STAMBP: variants seen among roughly 807,000 people sequenced by gnomAD.
The protein encoded by STAMBP is STAM-binding protein.
Under a neutral mutation model 50.7 loss-of-function variants are expected in STAMBP, and 31 were observed. That is an observed-to-expected ratio of 0.61 (90% CI 0.46 to 0.83). The LOEUF is 0.83. Among genes scored for constraint, STAMBP ranks in the 40% least tolerant of loss-of-function variants. The pLI, the probability that STAMBP is intolerant of heterozygous loss-of-function variation, is 0.00. For synonymous variants in STAMBP, 211 were observed against 192.4 expected (o/e 1.10, Z -0.80); for missense variants, 472 against 518.9 (o/e 0.91, Z 0.88).
At chr2:73,832,492 C>G (rs1250227191) in intron 2 of STAMBP, among the ~76,000 whole-genome samples, 2 of 151,946 alleles carry the variant, frequency 1.3e-5, no homozygotes, top group South Asian at 4.2e-4. Flanking sequence ...CCCACCCACT[C>G]CTCTTTTCCC....
downstream of STAMBP, among the ~76,000 whole-genome samples, chr2:73,870,993 C>T (rs1167374148): frequency 2.0e-5 from 3 of 152,102 alleles, no homozygotes; most frequent in Non-Finnish European, 4.4e-5. Context: ...TGGCCTTAAG[C>T]TCCTGGCCTC....
chr2:73,836,056 G>T (rs892390581), intron 2 of STAMBP, among the ~76,000 whole-genome samples: 2 of 151,900 alleles, frequency 1.3e-5, no homozygotes, highest in South Asian at 2.1e-4. Flanking sequence ...GCAGTGGTGC[G>T]CTGTTTTTCT....
rs774835989 is a variant in STAMBP at position 73,862,621 on chromosome 2, C to G, written c.*362C>G. The G allele has an allele frequency of 1.3e-5, 2 of 158,060 alleles. No homozygotes were observed. The highest frequency in any genetic ancestry group is 4.8e-5 in the African/African-American group (2 of 41,612). The allele number at this position is 158,060 out of a possible 1,614,324, so 9.8% of individuals were successfully genotyped here. ...TCTCAGCTATCCTTCTAATTTCTCT[C>G]TAATTTCAATTTGTTTATATTTACC... On this transcript the variant is annotated 3_prime_UTR_variant, in exon 10 of 10. Transcript: ENST00000394070.
downstream of STAMBP, among the ~76,000 whole-genome samples, chr2:73,869,687 G>T (rs1298057605): frequency 6.6e-6 from 1 of 151,824 alleles, no homozygotes; most frequent in Non-Finnish European, 1.5e-5. Flanking sequence ...GAACAAACCT[G>T]CACATTGTGC....
chr2:73,834,221 AAAAAAAAAAAAAAAAATATATATAT>A (rs1558557347), intron 2 of STAMBP, among the ~76,000 whole-genome samples: 8 of 21,702 alleles, frequency 3.7e-4, no homozygotes, highest in African/African-American at 6.6e-4. Flanking sequence ...AAAAAAAAAA[AAAAAAAAAAAAAAAAATATATATAT>A]ATATATATAT....
chr2:73,870,531 G>A (rs1679160868), downstream of STAMBP, among the ~76,000 whole-genome samples: 1 of 152,188 alleles, frequency 6.6e-6, no homozygotes, highest in Admixed American at 6.5e-5. Context: ...CCGTGGCCCA[G>A]GGTTATTTCT....
chr2:73,858,039 G>T (rs926133257), intron 7 of STAMBP, among the ~76,000 whole-genome samples: 1 of 151,566 alleles, frequency 6.6e-6, no homozygotes, highest in Non-Finnish European at 1.5e-5. Flanking sequence ...CTGGAGTGCA[G>T]TGGCGCGATC....
chr2:73,847,827 A>C, intron 5 of STAMBP, 74 bp downstream of exon 5: 2 of 1,525,852 alleles, frequency 1.3e-6, no homozygotes, highest in Non-Finnish European at 1.8e-6. Context: ...GGTCAACCTA[A>C]GATTACCTCC....
intron 6 of STAMBP, among the ~76,000 whole-genome samples, chr2:73,849,776 C>T (rs1056066717): frequency 2.0e-5 from 3 of 152,018 alleles, no homozygotes; most frequent in Non-Finnish European, 4.4e-5. Flanking sequence ...TATGGTAGGA[C>T]CTGGGAATAT....
intron 2 of STAMBP, among the ~76,000 whole-genome samples, chr2:73,832,108 T>TACATATATATATATATATATATAC (rs1553376122): frequency 9.0e-5 from 11 of 122,892 alleles, no homozygotes; most frequent in African/African-American, 3.9e-4. Flanking sequence ...TATATATATA[T>TACATATATATATATATATATATAC]ACACATATAT....
At chr2:73,851,142 T>C (rs1454595154) in intron 7 of STAMBP, among the ~76,000 whole-genome samples, 10 of 152,246 alleles carry the variant, frequency 6.6e-5, no homozygotes, top group African/African-American at 2.4e-4. Flanking sequence ...TACAAATAAA[T>C]TGGCTTATTC....
Position 73,864,358 on chromosome 2 carries a change from A to G in STAMBP, c.*2099A>G, listed in dbSNP as rs1320691493. 2.0e-5 allele frequency: 3 copies of G among 152,232 alleles called. No homozygotes were observed. Among genetic ancestry groups the G allele is most frequent in the Non-Finnish European group, 2.9e-5 (2 of 68,046 alleles). The allele number at this position is 152,232 out of a possible 1,614,324, so 9.4% of individuals were successfully genotyped here. A position where few individuals can be genotyped will look rare whatever the true frequency, so the allele number is the denominator to read the frequency against. On this transcript the variant is annotated 3_prime_UTR_variant, in exon 10 of 10. Transcript: ENST00000394070. ...TCTTCCTCTAGGCACAAGATATCTT[A>G]GTGGCTAGATGGGTGCAGGAAATCA...
intron 2 of STAMBP, among the ~76,000 whole-genome samples, chr2:73,844,211 G>C (rs1423324192): frequency 6.6e-6 from 1 of 152,188 alleles, no homozygotes; most frequent in Non-Finnish European, 1.5e-5. Context: ...ATTTACCTAA[G>C]CACTTTTCAT....
chr2:73,851,886 C>T (rs1479559288), intron 7 of STAMBP, among the ~76,000 whole-genome samples: 3 of 152,006 alleles, frequency 2.0e-5, no homozygotes, highest in Admixed American at 6.6e-5. Context: ...GTGATCCACC[C>T]GCCTCAGCCT....
chr2:73,871,626 A>G (rs1430465667), downstream of STAMBP, among the ~76,000 whole-genome samples: 5 of 152,036 alleles, frequency 3.3e-5, no homozygotes, highest in Non-Finnish European at 7.4e-5. Flanking sequence ...AGCTGGATCC[A>G]GTGTCCATTG....
chr2:73,853,322 G>A (rs2104590641), intron 7 of STAMBP, among the ~76,000 whole-genome samples: 1 of 152,314 alleles, frequency 6.6e-6, no homozygotes, highest in East Asian at 1.9e-4. Context: ...GGTTTAAGGA[G>A]AAGTTGGGTT....
chr2:73,872,322 A>C (rs1002035106), intron 10 of STAMBP, among the ~76,000 whole-genome samples: 6 of 152,222 alleles, frequency 3.9e-5, no homozygotes, highest in Admixed American at 6.5e-5. Flanking sequence ...CAAAGGCAAC[A>C]GATGTCCACC....
intron 7 of STAMBP, among the ~76,000 whole-genome samples, chr2:73,858,046 G>A (rs539263474): frequency 5.9e-5 from 9 of 151,346 alleles, no homozygotes; most frequent in Non-Finnish European, 8.8e-5. Flanking sequence ...GCAGTGGCGC[G>A]ATCTCGGCTC....
chr2:73,858,364 C>T (rs1244002453), intron 7 of STAMBP, among the ~76,000 whole-genome samples: 1 of 152,098 alleles, frequency 6.6e-6, no homozygotes, highest in Admixed American at 6.5e-5. Context: ...GTCTCAAACT[C>T]CTGACCTCAA....
Sources: gnomAD v4.1 joint callset for allele counts (sites outside exome capture counted in the v4.1 genomes callset) on GRCh38, gnomAD v4.1.1 for gene constraint, MANE v1.5 for transcripts, NCBI Gene and HGNC (gene_info 2026-07-23, HGNC 2026-07-21) for gene names.